Variants in TTR observed in about 807,000 individuals in gnomAD.
The protein encoded by TTR is transthyretin.
Under a neutral mutation model 13.7 loss-of-function variants are expected in TTR, and 8 were observed. That is an observed-to-expected ratio of 0.58 (90% CI 0.34 to 1.05). TTR has a LOEUF of 1.05. TTR is among the 50% of genes least tolerant of loss of function. The pLI is 0.02. For missense variants in TTR, 135 were observed against 185.5 expected (o/e 0.73, Z 1.58); for synonymous variants, 75 against 71.7 (o/e 1.05, Z -0.23).
intron 3 of TTR, among the ~76,000 whole-genome samples, chr18:31,597,630 T>C (rs898663689): frequency 6.6e-6 from 1 of 152,202 alleles, no homozygotes; most frequent in Non-Finnish European, 1.5e-5. Context: ...AATGTATTTA[T>C]GCAGAGTGTG....
chr18:31,597,758 G>A (rs2073524017), intron 3 of TTR, among the ~76,000 whole-genome samples: 1 of 152,120 alleles, frequency 6.6e-6, no homozygotes, highest in South Asian at 2.1e-4. Flanking sequence ...GAGAACCAAG[G>A]CTGTCCCAGC....
chr18:31,595,008 TCA>T (rs2073509280), intron 2 of TTR, 110 bp from the exon 3 acceptor site: 1 of 1,203,850 alleles, frequency 8.3e-7, no homozygotes, highest in African/African-American at 1.5e-5. Context: ...GGGGAAATGT[TCA>T]TAACATGTTT....
intron 1 of TTR, 24 bp from the exon 2 acceptor site, chr18:31,592,872 C>T: frequency 6.2e-7 from 1 of 1,613,266 alleles, no homozygotes; most frequent in Non-Finnish European, 8.5e-7. Flanking sequence ...TTGTTAACTT[C>T]TCACGTGTCT....
intron 2 of TTR, chr18:31,593,269 T>C (rs182465943): frequency 4.3e-6 from 2 of 463,124 alleles, no homozygotes; most frequent in African/African-American, 4.0e-5. Flanking sequence ...AGAACTCCTC[T>C]CCTCTAGCTG....
At chr18:31,594,007 A>G (rs1476689302) in intron 2 of TTR, among the ~76,000 whole-genome samples, 1 of 152,148 alleles carries the variant, frequency 6.6e-6, no homozygotes, top group South Asian at 2.1e-4. Context: ...CTGGCTTTTT[A>G]TTTGGGAATT....
Position 31,593,192 on chromosome 18 carries a change from C to T in TTR, c.200+166C>T, listed in dbSNP as rs1288600137. ...TGAAGGATGCCCTCTTTTTGTTTTGCTTAGCTAGGAAGTGACCAGGAACCT... is the reference window on the plus strand; with the variant it reads ...TGAAGGATGCCCTCTTTTTGTTTTGTTTAGCTAGGAAGTGACCAGGAACCT... On this transcript the variant is annotated intron_variant, in intron 2 of 3. Coordinates refer to ENST00000237014, the MANE Select transcript of TTR (RefSeq NM_000371.4). 3 of 986,052 alleles carry T rather than the reference C, an allele frequency of 3.0e-6. No homozygotes were observed. The East Asian group carries it at 8.8e-5, about 29-fold the overall frequency. 61.1% of individuals were successfully genotyped at this position (986,052 alleles called of 1,614,324 possible).
Position 31,598,146 on chromosome 18 carries a change from T to C in TTR, c.337-422T>C, listed in dbSNP as rs557017937. 5 of 328,716 alleles carry C rather than the reference T, an allele frequency of 1.5e-5. No homozygotes were observed. The East Asian group carries it at 3.1e-4, about 20-fold the overall frequency. 20.4% of individuals were successfully genotyped at this position (328,716 alleles called of 1,614,324 possible). On this transcript the variant is annotated intron_variant, in intron 3 of 3. Transcript: ENST00000237014. ...TTGCTCATCTGTAAATTGGGAAGAA[T>C]GTTTCCAGCTCCAGAATGCTAAATC...
intron 1 of TTR, 74 bp downstream of exon 1, chr18:31,592,045 C>A (rs1470255164): frequency 6.6e-7 from 1 of 1,508,034 alleles, no homozygotes; most frequent in East Asian, 2.3e-5. Flanking sequence ...CTCCTTCCAG[C>A]TTTGCCAACC....
Position 31,591,975 on chromosome 18 carries a change from A to T in TTR, c.69+4A>T. On this transcript the variant is annotated splice_donor_region_variant and intron_variant, in intron 1 of 3. Transcript: ENST00000237014. Reference sequence around the variant, plus strand: ...TGTGTCTGAGGCTGGCCCTACGGTGAGTGTTTCTGTGACATCCCATTCCTA... The same window carrying T: ...TGTGTCTGAGGCTGGCCCTACGGTGTGTGTTTCTGTGACATCCCATTCCTA... 6.2e-7 allele frequency: 1 copy of T among 1,614,028 alleles called. No homozygotes were observed. Among genetic ancestry groups the T allele is most frequent in the Non-Finnish European group, 8.5e-7 (1 of 1,179,948 alleles).
At chr18:31,597,757 G>A (rs1432858662) in intron 3 of TTR, among the ~76,000 whole-genome samples, 1 of 152,084 alleles carries the variant, frequency 6.6e-6, no homozygotes, top group Non-Finnish European at 1.5e-5. Flanking sequence ...TGAGAACCAA[G>A]GCTGTCCCAG....
intron 2 of TTR, among the ~76,000 whole-genome samples, chr18:31,594,424 G>A (rs896148459): frequency 6.6e-6 from 1 of 152,160 alleles, no homozygotes; most frequent in Non-Finnish European, 1.5e-5. Context: ...ATACTCCCTG[G>A]TGGTGTGCAG....
chr18:31,595,522 A>G (rs1221128364), intron 3 of TTR: 1 of 573,882 alleles, frequency 1.7e-6, no homozygotes, highest in East Asian at 4.0e-5. Flanking sequence ...TTATATGAAT[A>G]TTGATGTATC....
rs773031292 is a variant in TTR, at chr18:31,598,492, G to A, written c.337-76G>A. 1.5e-5 allele frequency: 21 copies of A among 1,383,704 alleles called. 1 individual carries two copies. The highest frequency in any genetic ancestry group is 1.0e-4 in the South Asian group (9 of 86,302). The allele number at this position is 1,383,704 out of a possible 1,614,324, so 85.7% of individuals were successfully genotyped here. A position where few individuals can be genotyped will look rare whatever the true frequency, so the allele number is the denominator to read the frequency against. On this transcript the variant is annotated intron_variant, in intron 3 of 3. Coordinates refer to ENST00000237014, the MANE Select transcript of TTR (RefSeq NM_000371.4). ...TTAATTAAGTTGGCACTGGACTTCC[G>A]GTGGTCAGTCATGTGTGTCATCTGT...
chr18:31,594,056 A>T (rs2073502425), intron 2 of TTR, among the ~76,000 whole-genome samples: 1 of 152,244 alleles, frequency 6.6e-6, no homozygotes, highest in Non-Finnish European at 1.5e-5. Context: ...TAACATGAAA[A>T]GTGGTTACAG....
chr18:31,595,144 G>GC lies in TTR; in HGVS notation c.226dup (p.His76ProfsTer6). 1.9e-6 allele frequency: 3 copies of GC among 1,614,178 alleles called. No individual in the cohort carries two copies. The highest frequency in any genetic ancestry group is 2.5e-6 in the Non-Finnish European group (3 of 1,180,010). On this transcript the variant is annotated frameshift_variant, in exon 3 of 4. Coordinates refer to ENST00000237014, the MANE Select transcript of TTR (RefSeq NM_000371.4). LOFTEE classifies it high-confidence loss of function. Reference sequence around the variant, plus strand: ...GGAAAACCAGTGAGTCTGGAGAGCTGCATGGGCTCACAACTGAGGAGGAAT... The same window carrying GC: ...GGAAAACCAGTGAGTCTGGAGAGCTGCCATGGGCTCACAACTGAGGAGGAAT...
chr18:31,592,617 G>A (rs1366183282), intron 1 of TTR, among the ~76,000 whole-genome samples: 1 of 152,142 alleles, frequency 6.6e-6, no homozygotes, highest in East Asian at 1.9e-4. Flanking sequence ...TTTTAACAAA[G>A]CAACTGTTCT....
At chr18:31,595,616 C>T (rs1327472112) in intron 3 of TTR, 10 of 373,298 alleles carry the variant, frequency 2.7e-5, no homozygotes, top group African/African-American at 1.7e-4. Flanking sequence ...TTTTATTTCT[C>T]GAAAACCCGT....
At chr18:31,593,121 T>C (rs2073495328) in intron 2 of TTR, 95 bp downstream of exon 2, 3 of 1,580,120 alleles carry the variant, frequency 1.9e-6, no homozygotes, top group Non-Finnish European at 2.6e-6. Flanking sequence ...TGCTAAAGAA[T>C]TTACAAGTAG....
intron 3 of TTR, among the ~76,000 whole-genome samples, chr18:31,597,873 T>C (rs2073524549): frequency 1.3e-5 from 2 of 152,218 alleles, no homozygotes; most frequent in Non-Finnish European, 2.9e-5. Flanking sequence ...TGAGCTCTAG[T>C]GCATGCATAT....
Sources: gnomAD v4.1 joint callset for allele counts (sites outside exome capture counted in the v4.1 genomes callset) on GRCh38, gnomAD v4.1.1 for gene constraint, MANE v1.5 for transcripts, NCBI Gene and HGNC (gene_info 2026-07-23, HGNC 2026-07-21) for gene names.